Variants in GAB1 observed in about 807,000 individuals in gnomAD.
GAB1 encodes the protein GRB2-associated-binding protein 1.
In GAB1, 19 loss-of-function variants were observed where a neutral mutation model predicts 66.5. The ratio of observed to expected loss-of-function variants is 0.29; its 90% CI spans 0.20 to 0.42. The LOEUF is 0.42. GAB1 is among the 10% of genes least tolerant of loss of function. GAB1 has a pLI of 1.00. For missense variants in GAB1, 732 were observed against 858.5 expected (o/e 0.85, Z 1.84); for synonymous variants, 294 against 301.4 (o/e 0.98, Z 0.25).
rs1360400584 is a variant in GAB1, at chr4:143,338,345, G to C, written c.72+1085G>C. Among the ~76,000 whole-genome samples, 3 of 152,310 alleles carry C rather than the reference G, an allele frequency of 2.0e-5. No individual in the cohort carries two copies. The East Asian group carries it at 5.8e-4, about 29-fold the overall frequency. On this transcript the variant is annotated intron_variant, in intron 1 of 9. Coordinates refer to ENST00000262994, the MANE Select transcript of GAB1 (RefSeq NM_002039.4). ...TAAATATAATATAAATTTAATGCCT[G>C]TACGAAGGGAACCCGTTTGTCGTTG...
intron 1 of GAB1, among the ~76,000 whole-genome samples, chr4:143,363,621 C>T (rs1268448785): frequency 2.0e-5 from 3 of 152,036 alleles, no homozygotes; most frequent in Non-Finnish European, 4.4e-5. Context: ...AAGTTATGCT[C>T]GCCTCTGTAG....
intron 3 of GAB1, among the ~76,000 whole-genome samples, chr4:143,437,766 A>G (rs1734008748): frequency 6.6e-6 from 1 of 152,112 alleles, no homozygotes; most frequent in African/African-American, 2.4e-5. Context: ...GGGTGTGGGC[A>G]GATATAGGAC....
At chr4:143,436,080 A>G (rs538940310) in intron 3 of GAB1, among the ~76,000 whole-genome samples, 1 of 152,258 alleles carries the variant, frequency 6.6e-6, no homozygotes, top group African/African-American at 2.4e-5. Context: ...AAATTTTAGA[A>G]TATGCATAGG....
At chr4:143,382,766 T>C (rs1345758657) in intron 1 of GAB1, among the ~76,000 whole-genome samples, 1 of 152,158 alleles carries the variant, frequency 6.6e-6, no homozygotes, top group Non-Finnish European at 1.5e-5. Context: ...GCTTGAGCAG[T>C]TAAGACTTTT....
chr4:143,421,582 A>G (rs1733017634), intron 2 of GAB1, among the ~76,000 whole-genome samples: 1 of 151,516 alleles, frequency 6.6e-6, no homozygotes, highest in South Asian at 2.1e-4. Flanking sequence ...AATTTTAGCT[A>G]TTCTATTGGG....
chr4:143,389,069 A>T (rs1205093767), intron 1 of GAB1, among the ~76,000 whole-genome samples: 1 of 152,230 alleles, frequency 6.6e-6, no homozygotes, highest in Non-Finnish European at 1.5e-5. Context: ...CTGCACAAAG[A>T]TCCATCTAAA....
chr4:143,441,575 A>G lies in GAB1; in HGVS notation c.1585+1193A>G, dbSNP rs145328819. Reference sequence around the variant, plus strand: ...TTCAACAGGAGGTTAACCTCCTTCAACAAGGAGGTTATCAGGAACTGAAGC... The same window carrying G: ...TTCAACAGGAGGTTAACCTCCTTCAGCAAGGAGGTTATCAGGAACTGAAGC... On this transcript the variant is annotated intron_variant, in intron 6 of 9. Transcript: ENST00000262994. Among the ~76,000 whole-genome samples, 238 of 152,270 alleles carry G rather than the reference A, an allele frequency of 1.6e-3. 1 individual carries two copies. Among genetic ancestry groups the G allele is most frequent in the African/African-American group, 5.4e-3 (224 of 41,552 alleles).
intron 9 of GAB1, among the ~76,000 whole-genome samples, chr4:143,466,748 C>T (rs944472350): frequency 5.3e-5 from 8 of 152,150 alleles, no homozygotes; most frequent in African/African-American, 1.9e-4. Flanking sequence ...CCTCAGCCCT[C>T]CAAAAGTGCT....
chr4:143,337,052 T>TGTCCGCCCAGTCC lies in GAB1; in HGVS notation c.-131_-119dup. On this transcript the variant is annotated 5_prime_UTR_variant, in exon 1 of 10. Transcript: ENST00000262994. ...CGTGGAACCCGCGCACCGTGGAGTC[T>TGTCCGCCCAGTCC]GTCCGCCCAGTCCGTCCGGGGTGCG... The TGTCCGCCCAGTCC allele has an allele frequency of 1.4e-6, 1 of 701,524 alleles. No individual in the cohort carries two copies. The highest frequency in any genetic ancestry group is 1.9e-5 in the South Asian group (1 of 53,390). 43.5% of individuals were successfully genotyped at this position (701,524 alleles called of 1,614,324 possible).
chr4:143,414,827 T>C (rs1462844069), intron 1 of GAB1, among the ~76,000 whole-genome samples: 4 of 152,188 alleles, frequency 2.6e-5, no homozygotes, highest in Non-Finnish European at 5.9e-5. Context: ...AAATTTATCA[T>C]TTTAGCTATT....
At chr4:143,339,055 A>G (rs1302586861) in intron 1 of GAB1, among the ~76,000 whole-genome samples, 2 of 152,244 alleles carry the variant, frequency 1.3e-5, no homozygotes, top group Non-Finnish European at 2.9e-5. Flanking sequence ...TCTTAACAAG[A>G]AAAACAAAAA....
intron 1 of GAB1, among the ~76,000 whole-genome samples, chr4:143,338,712 G>GGGGTGTGTGTGTGT (rs71588246): frequency 0.016 from 2,356 of 149,260 alleles, 77 homozygotes; most frequent in African/African-American, 0.056. Flanking sequence ...GAAAGGTAGG[G>GGGGTGTGTGTGTGT]GTGTGTGTGT....
chr4:143,349,730 A>C (rs1729118768), intron 1 of GAB1: 1 of 1,585,128 alleles, frequency 6.3e-7, no homozygotes, highest in Non-Finnish European at 8.5e-7. Flanking sequence ...TCCTTGGAGC[A>C]CTTAACACCC....
chr4:143,346,257 AAAT>A (rs774494128), intron 1 of GAB1, among the ~76,000 whole-genome samples: 3 of 152,226 alleles, frequency 2.0e-5, no homozygotes, highest in African/African-American at 4.8e-5. Context: ...TCAAGAATAG[AAAT>A]AATAATGTTC....
At chr4:143,468,214 T>C (rs1735898647) in intron 9 of GAB1, among the ~76,000 whole-genome samples, 1 of 127,872 alleles carries the variant, frequency 7.8e-6, no homozygotes, top group African/African-American at 3.6e-5. Context: ...AATTCTTTTT[T>C]TTTTTTTTTT....
intron 1 of GAB1, among the ~76,000 whole-genome samples, chr4:143,404,367 T>G (rs1731934468): frequency 6.6e-6 from 1 of 152,250 alleles, no homozygotes; most frequent in Non-Finnish European, 1.5e-5. Flanking sequence ...AGAGTAAGTT[T>G]GTGGAACACA....
At chr4:143,374,653 C>T (rs955358426) in intron 1 of GAB1, among the ~76,000 whole-genome samples, 14 of 152,324 alleles carry the variant, frequency 9.2e-5, no homozygotes, top group Non-Finnish European at 2.1e-4. Flanking sequence ...ACATGGGCAT[C>T]ATTGTCCAAC....
At chr4:143,384,644 T>C (rs1248801728) in intron 1 of GAB1, among the ~76,000 whole-genome samples, 1 of 152,226 alleles carries the variant, frequency 6.6e-6, no homozygotes, top group Non-Finnish European at 1.5e-5. Context: ...GCTCACCCTT[T>C]CCTGGAGAGG....
intron 6 of GAB1, among the ~76,000 whole-genome samples, chr4:143,455,575 C>T (rs1735142951): frequency 6.6e-6 from 1 of 152,076 alleles, no homozygotes; most frequent in Admixed American, 6.6e-5. Flanking sequence ...CATACTAGGT[C>T]AAGAGCAGCA....
Sources: allele counts gnomAD v4.1 joint callset (sites outside exome capture counted in the v4.1 genomes callset), GRCh38; gene constraint gnomAD v4.1.1; transcripts MANE v1.5; gene names NCBI Gene and HGNC (gene_info 2026-07-23, HGNC 2026-07-21).